Variants in STYXL1 observed in about 807,000 individuals in gnomAD.
The protein encoded by STYXL1 is serine/threonine/tyrosine-interacting-like protein 1.
In STYXL1, 32 loss-of-function variants were observed where a neutral mutation model predicts 36.4. The ratio of observed to expected loss-of-function variants is 0.88; its 90% CI spans 0.66 to 1.18. The LOEUF (loss-of-function observed/expected upper bound fraction) is 1.18. Ranked by LOEUF, STYXL1 falls within the 50% of genes most tolerant of loss-of-function variation. The probability of loss-of-function intolerance (pLI) is 0.00; values close to 1 mark genes in which losing one functional copy is unlikely to be tolerated. For synonymous variants in STYXL1, 133 were observed against 144.1 expected (o/e 0.92, Z 0.55); for missense variants, 354 against 394.1 (o/e 0.90, Z 0.86).
Position 76,035,430 on chromosome 7 carries a change from C to T in STYXL1, c.-4-4903G>A, listed in dbSNP as rs138170015. ...TTGCCTGTCTTGTCCACTGCTAGGT[C>T]CTCACCCAATACCCCAGATTTACAT... On this transcript the variant is annotated intron_variant, in intron 1 of 8. Coordinates refer to ENST00000359697, the MANE Select transcript of STYXL1 (RefSeq NM_001317785.2). 7.1e-3 allele frequency among the ~76,000 whole-genome samples: 1,025 copies of T among 143,778 alleles called. 50 individuals carry two copies. The highest frequency in any genetic ancestry group is 0.022 in the African/African-American group (883 of 40,088). The allele number at this position is 143,778 out of a possible 152,430, so 94.3% of individuals were successfully genotyped here. A position where few individuals can be genotyped will look rare whatever the true frequency, so the allele number is the denominator to read the frequency against.
At chr7:76,024,486 G>A (rs145130053) in intron 3 of STYXL1, among the ~76,000 whole-genome samples, 8 of 152,036 alleles carry the variant, frequency 5.3e-5, no homozygotes, top group African/African-American at 1.7e-4. Context: ...GTGTGGTGGT[G>A]CACACCTATG....
intron 8 of STYXL1, chr7:76,000,592 C>A (rs1790775013): frequency 3.9e-6 from 2 of 517,994 alleles, no homozygotes; most frequent in Admixed American, 4.5e-5. Context: ...CCAAGCAGTT[C>A]TCCCTTGGGC....
chr7:75,999,482 A>ATTT (rs1790531569), intron 8 of STYXL1, among the ~76,000 whole-genome samples: 1 of 84,308 alleles, frequency 1.2e-5, no homozygotes, highest in South Asian at 4.3e-4. Flanking sequence ...TAAGATGGTA[A>ATTT]TTTTTTTGTT....
intron 6 of STYXL1, 58 bp from the exon 7 acceptor site, chr7:76,003,913 T>A: frequency 6.5e-7 from 1 of 1,531,190 alleles, no homozygotes; most frequent in Non-Finnish European, 9.0e-7. Context: ...GCATCCCCAT[T>A]GTGGGGTTTT....
chr7:76,028,867 G>T (rs1795022500), intron 2 of STYXL1, among the ~76,000 whole-genome samples, 164 bp from the exon 3 acceptor site: 1 of 152,134 alleles, frequency 6.6e-6, no homozygotes, highest in Non-Finnish European at 1.5e-5. Context: ...GCATGCACCT[G>T]TAACCCCAGC....
At chr7:76,027,046 G>A (rs1794795204) in intron 3 of STYXL1, among the ~76,000 whole-genome samples, 2 of 151,952 alleles carry the variant, frequency 1.3e-5, no homozygotes, top group South Asian at 2.1e-4. Context: ...CTGGGTGACA[G>A]GGAGAGATTC....
intron 5 of STYXL1, among the ~76,000 whole-genome samples, chr7:76,009,614 T>C (rs781935518): frequency 2.0e-5 from 3 of 152,234 alleles, no homozygotes; most frequent in Non-Finnish European, 4.4e-5. Context: ...TTTCACCATG[T>C]TGGCCAGAAT....
chr7:76,030,602 T>C, intron 1 of STYXL1, 75 bp from the exon 2 acceptor site: 1 of 870,680 alleles, frequency 1.1e-6, no homozygotes, highest in Non-Finnish European at 1.9e-6. Context: ...ATATAATGAA[T>C]TAAACTCTTT....
chr7:76,017,866 C>CAAAAAA (rs71082374), intron 4 of STYXL1, among the ~76,000 whole-genome samples: 768 of 10,352 alleles, frequency 0.074, 132 homozygotes, highest in Middle Eastern at 0.25. Flanking sequence ...AACTCCATCT[C>CAAAAAA]AAAAAAAAAA....
chr7:76,032,391 C>T (rs1370617485), intron 1 of STYXL1, among the ~76,000 whole-genome samples: 2 of 89,464 alleles, frequency 2.2e-5, no homozygotes. Context: ...AGAGTGAGAC[C>T]CTGTCTTGAA....
At chr7:76,012,789 C>A (rs4476928) in intron 5 of STYXL1, among the ~76,000 whole-genome samples, 81,806 of 152,106 alleles carry the variant, frequency 0.54, 24,821 homozygotes, top group Non-Finnish European at 0.7. Flanking sequence ...GCCTTGGCCT[C>A]CCCAAGTGCT....
intron 5 of STYXL1, among the ~76,000 whole-genome samples, chr7:76,005,903 A>AG (rs1554570161): frequency 1.7e-5 from 1 of 57,978 alleles, no homozygotes; most frequent in Non-Finnish European, 3.7e-5. Context: ...AGGAGGAGAG[A>AG]GGAGGAGGAG....
chr7:76,015,710 T>G (rs1171460114), intron 4 of STYXL1, among the ~76,000 whole-genome samples: 1 of 152,174 alleles, frequency 6.6e-6, no homozygotes, highest in Non-Finnish European at 1.5e-5. Flanking sequence ...GAGTGTCAAC[T>G]TGATTGGGTT....
chr7:76,025,312 A>AT (rs1794568557), intron 3 of STYXL1, among the ~76,000 whole-genome samples: 1 of 151,092 alleles, frequency 6.6e-6, no homozygotes. Flanking sequence ...AAAAATAAAA[A>AT]TAAAAATTAA....
At chr7:76,005,857 AGAGAGGAGGAAGAGAGAGGAGG>A (rs1791630859) in intron 5 of STYXL1, among the ~76,000 whole-genome samples, 1 of 23,780 alleles carries the variant, frequency 4.2e-5, no homozygotes, top group Non-Finnish European at 1.0e-4. Flanking sequence ...AGAGAGGAGG[AGAGAGGAGGAAGAGAGAGGAGG>A]AGAGAGGAGG....
At chr7:76,014,229 C>T (rs2115810852) in intron 4 of STYXL1, among the ~76,000 whole-genome samples, 1 of 152,238 alleles carries the variant, frequency 6.6e-6, no homozygotes, top group Admixed American at 6.5e-5. Flanking sequence ...TCAGCCTCGG[C>T]CTCCCAAAGT....
chr7:76,014,619 C>T (rs1415492083), intron 4 of STYXL1, among the ~76,000 whole-genome samples: 3 of 152,046 alleles, frequency 2.0e-5, no homozygotes, highest in Non-Finnish European at 4.4e-5. Context: ...TCCCAGAGTG[C>T]TGAGATTACA....
At chr7:76,018,718 T>C (rs1229186956) in intron 4 of STYXL1, among the ~76,000 whole-genome samples, 1 of 152,204 alleles carries the variant, frequency 6.6e-6, no homozygotes, top group Non-Finnish European at 1.5e-5. Flanking sequence ...GGCTGAGTAA[T>C]ATTCCATTGT....
At chr7:76,025,919 G>A (rs577630808) in intron 3 of STYXL1, among the ~76,000 whole-genome samples, 5 of 152,138 alleles carry the variant, frequency 3.3e-5, no homozygotes, top group Middle Eastern at 3.4e-3. Context: ...GAGGCCGGGC[G>A]CGGTGGCTCA....
Sources: allele counts gnomAD v4.1 joint callset (sites outside exome capture counted in the v4.1 genomes callset), GRCh38; gene constraint gnomAD v4.1.1; transcripts MANE v1.5; gene names NCBI Gene and HGNC (gene_info 2026-07-23, HGNC 2026-07-21).